The following KIF5C variants were observed in gnomAD, a reference collection of about 807,000 sequenced individuals.
KIF5C encodes kinesin heavy chain isoform 5C.
A neutral mutation model predicts 125.2 loss-of-function variants in KIF5C; 18 were observed. The ratio of observed to expected loss-of-function variants is 0.14; its 90% confidence interval spans 0.10 to 0.21. The LOEUF (loss-of-function observed/expected upper bound fraction) is 0.21. KIF5C is among the 10% of genes least tolerant of loss of function. The pLI, the probability that KIF5C is intolerant of heterozygous loss-of-function variation, is 1.00. For synonymous variants in KIF5C, 405 were observed against 434.0 expected, an observed-to-expected ratio of 0.93 and a Z score of 0.83; for missense variants, 780 against 1,183.8, an observed-to-expected ratio of 0.66 and a Z score of 5.01.
At chr2:148,905,023 G>A (rs1681050208) in intron 1 of KIF5C, among the ~76,000 whole-genome samples, 2 of 152,162 alleles carry the variant, frequency 1.3e-5, no homozygotes, top group Non-Finnish European at 2.9e-5. Flanking sequence ...TCCTAGGCTT[G>A]GAGTCCTTGA....
chr2:148,936,241 C>G (rs1682287374), intron 3 of KIF5C, among the ~76,000 whole-genome samples: 1 of 152,204 alleles, frequency 6.6e-6, no homozygotes, highest in Non-Finnish European at 1.5e-5. Flanking sequence ...TAAGACTGCA[C>G]CACTGCACTG....
At chr2:148,886,075 C>T (rs886253071) in intron 1 of KIF5C, 7 of 152,222 alleles carry the variant, frequency 4.6e-5, no homozygotes, top group African/African-American at 1.4e-4. Flanking sequence ...ATAACAACTC[C>T]ATCGATATTA....
chr2:148,986,075 G>A (rs1681374274), intron 15 of KIF5C, among the ~76,000 whole-genome samples: 1 of 152,158 alleles, frequency 6.6e-6, no homozygotes, highest in Admixed American at 6.6e-5. Context: ...CAATATGAAG[G>A]TGGAGTTGAT....
intron 1 of KIF5C, chr2:148,884,185 G>A (rs1244802509): frequency 6.6e-6 from 1 of 152,184 alleles, no homozygotes; most frequent in Non-Finnish European, 1.5e-5. Context: ...GCTGTCTTTT[G>A]TCAGTTTCAA....
chr2:148,991,344 G>C, intron 16 of KIF5C, 146 bp downstream of exon 16: 2 of 1,368,402 alleles, frequency 1.5e-6, no homozygotes, highest in Non-Finnish European at 1.9e-6. Flanking sequence ...TGGCAGCCCA[G>C]GTCTATTCCT....
At chr2:148,945,074 T>A (rs887803635) in intron 7 of KIF5C, among the ~76,000 whole-genome samples, 3 of 152,192 alleles carry the variant, frequency 2.0e-5, no homozygotes, top group Non-Finnish European at 2.9e-5. Context: ...TTATAAAATT[T>A]TCTTCTATTC....
intron 18 of KIF5C, 153 bp from the exon 19 acceptor site, chr2:148,998,247 G>A (rs1681736411): frequency 9.3e-6 from 12 of 1,286,882 alleles, no homozygotes; most frequent in Non-Finnish European, 1.3e-5. Flanking sequence ...GCAAGGCCGG[G>A]TCCTGGGGGC....
intron 8 of KIF5C, 84 bp from the exon 9 acceptor site, chr2:148,949,755 C>A: frequency 2.0e-6 from 3 of 1,521,118 alleles, no homozygotes; most frequent in African/African-American, 2.8e-5. Context: ...AGGCTGTCCC[C>A]CTTTGCCCTC....
At chr2:148,978,851 T>G in intron 12 of KIF5C, 71 bp from the exon 13 acceptor site, 1 of 1,499,918 alleles carries the variant, frequency 6.7e-7, no homozygotes, top group Non-Finnish European at 8.9e-7. Flanking sequence ...GGTAGCTGCC[T>G]GTCACTGGGA....
At chr2:148,952,599 C>T (rs891441835) in intron 10 of KIF5C, among the ~76,000 whole-genome samples, 1 of 152,148 alleles carries the variant, frequency 6.6e-6, no homozygotes, top group Non-Finnish European at 1.5e-5. Flanking sequence ...GATGCAGTGT[C>T]TGAGCACAGC....
At chr2:148,932,172 C>T (rs1316409555) in intron 3 of KIF5C, among the ~76,000 whole-genome samples, 1 of 152,192 alleles carries the variant, frequency 6.6e-6, no homozygotes, top group Admixed American at 6.5e-5. Context: ...ACAGGGTCTG[C>T]ATTCTCTGAA....
intron 25 of KIF5C, among the ~76,000 whole-genome samples, chr2:149,015,523 A>G (rs965476259): frequency 6.6e-6 from 1 of 152,166 alleles, no homozygotes. Context: ...TATCTTTGGA[A>G]TTTCCTTCTG....
Position 148,942,775 on chromosome 2 carries a change from G to A in KIF5C, c.589+15G>A, listed in dbSNP as rs1466600109. The A allele has an allele frequency of 9.4e-6, 15 of 1,602,716 alleles. No homozygotes were observed. Among genetic ancestry groups the A allele is most frequent in the African/African-American group, 1.3e-5 (1 of 74,750 alleles). On this transcript the variant is annotated intron_variant, in intron 7 of 25. Transcript: ENST00000435030. ...GGCTGTGACAAGTAAGCATGGTGGGGGTGTTTCCTCCCCTGCAGCTTGGGA... is the reference window on the plus strand; with the variant it reads ...GGCTGTGACAAGTAAGCATGGTGGGAGTGTTTCCTCCCCTGCAGCTTGGGA...
chr2:148,890,688 C>T (rs542701665), intron 1 of KIF5C, among the ~76,000 whole-genome samples: 1 of 152,270 alleles, frequency 6.6e-6, no homozygotes, highest in East Asian at 1.9e-4. Context: ...TCCACTCTAT[C>T]CTATAGCTGG....
chr2:148,998,316 A>G (rs1681738309), intron 18 of KIF5C, 84 bp from the exon 19 acceptor site: 2 of 1,530,956 alleles, frequency 1.3e-6, no homozygotes, highest in African/African-American at 2.8e-5. Context: ...ACAGGGAAGG[A>G]GGTAGGTCCA....
chr2:148,878,952 G>C (rs1681271164), intron 1 of KIF5C: 1 of 152,156 alleles, frequency 6.6e-6, no homozygotes, highest in Non-Finnish European at 1.5e-5. Flanking sequence ...AGTTCTGTTT[G>C]TTATGGAGAT....
chr2:148,988,101 G>C (rs1024388324), intron 15 of KIF5C, among the ~76,000 whole-genome samples: 1 of 152,028 alleles, frequency 6.6e-6, no homozygotes, highest in Non-Finnish European at 1.5e-5. Flanking sequence ...TGTACTACTG[G>C]GGGCATTATC....
chr2:148,926,630 C>T (rs1682010595), intron 2 of KIF5C, among the ~76,000 whole-genome samples: 1 of 152,178 alleles, frequency 6.6e-6, no homozygotes, highest in African/African-American at 2.4e-5. Context: ...TAGAAACGCG[C>T]TGGGCTCCTG....
chr2:148,904,152 A>G (rs1681009689), intron 1 of KIF5C, among the ~76,000 whole-genome samples: 1 of 152,240 alleles, frequency 6.6e-6, no homozygotes, highest in Admixed American at 6.5e-5. Context: ...AATTATGTTT[A>G]ATTACATGTT....
Sources: allele counts gnomAD v4.1 joint callset (sites outside exome capture counted in the v4.1 genomes callset), GRCh38; gene constraint gnomAD v4.1.1; transcripts MANE v1.5; gene names NCBI Gene and HGNC (gene_info 2026-07-23, HGNC 2026-07-21).